MARK1: variants seen among roughly 807,000 people sequenced by gnomAD.
MARK1 encodes serine/threonine-protein kinase MARK1.
Under a neutral mutation model 96.3 loss-of-function variants are expected in MARK1, and 40 were observed. That is an observed-to-expected ratio of 0.42 (90% CI 0.32 to 0.54). The LOEUF is 0.54. MARK1 is among the 20% of genes least tolerant of loss of function. The pLI is 0.16. For missense variants in MARK1, 719 were observed against 984.6 expected, an observed-to-expected ratio of 0.73 and a Z score of 3.61; for synonymous variants, 317 against 341.2, an observed-to-expected ratio of 0.93 and a Z score of 0.78.
At position 220,573,410 on chromosome 1, in the gene MARK1, G is replaced by A. The variant is rs149751919; in HGVS notation, c.52-5944G>A. ...ATGATCTTGGCTCACTGCAAGCTCC[G>A]CATCCTGGGTTCACACTGTTCTCCT... On this transcript the variant is annotated intron_variant, in intron 1 of 17. Transcript: ENST00000366917. 2.1e-3 allele frequency among the ~76,000 whole-genome samples: 316 copies of A among 152,138 alleles called. 3 individuals carry two copies. The highest frequency in any genetic ancestry group is 0.019 in the East Asian group (97 of 5,174).
At chr1:220,627,609 G>A (rs150158934) in intron 9 of MARK1, 242 of 250,690 alleles carry the variant, frequency 9.7e-4, no homozygotes, top group African/African-American at 5.3e-3. Context: ...GCCCAGGGCA[G>A]CTATGCTGGG....
At chr1:220,533,831 C>T (rs979599783) in intron 1 of MARK1, among the ~76,000 whole-genome samples, 3 of 152,168 alleles carry the variant, frequency 2.0e-5, no homozygotes, top group African/African-American at 7.2e-5. Context: ...TTCTGGCACT[C>T]TGGTTAGATG....
intron 1 of MARK1, among the ~76,000 whole-genome samples, chr1:220,553,096 C>T (rs1243009247): frequency 6.6e-6 from 1 of 152,196 alleles, no homozygotes; most frequent in Admixed American, 6.5e-5. Flanking sequence ...ACATGGGAAA[C>T]AGTGATCTCC....
At chr1:220,589,494 A>G (rs935940469) in intron 3 of MARK1, among the ~76,000 whole-genome samples, 2 of 152,232 alleles carry the variant, frequency 1.3e-5, no homozygotes, top group Non-Finnish European at 2.9e-5. Flanking sequence ...AAAAGTAAAT[A>G]TCTCCAAAGA....
chr1:220,603,792 A>G (rs1317833421), intron 5 of MARK1, among the ~76,000 whole-genome samples: 1 of 152,100 alleles, frequency 6.6e-6, no homozygotes, highest in Non-Finnish European at 1.5e-5. Context: ...GTATTTTTAC[A>G]TAATACTTGA....
intron 13 of MARK1, among the ~76,000 whole-genome samples, chr1:220,641,589 A>G (rs1224551166): frequency 6.6e-6 from 1 of 152,140 alleles, no homozygotes; most frequent in African/African-American, 2.4e-5. Context: ...AGTATTAATC[A>G]ATTTTTTTAC....
chr1:220,661,171 G>A (rs1669459774), intron 17 of MARK1, among the ~76,000 whole-genome samples: 1 of 152,174 alleles, frequency 6.6e-6, no homozygotes, highest in Non-Finnish European at 1.5e-5. Context: ...TAGGAGTGAG[G>A]AAGGAGAAAA....
At chr1:220,569,006 A>G (rs1039522596) in intron 1 of MARK1, among the ~76,000 whole-genome samples, 3 of 152,138 alleles carry the variant, frequency 2.0e-5, no homozygotes, top group Admixed American at 6.6e-5. Flanking sequence ...ATTTGTGTCA[A>G]TTTTCACTGT....
At chr1:220,556,342 A>T (rs1355053483) in intron 1 of MARK1, among the ~76,000 whole-genome samples, 1 of 152,150 alleles carries the variant, frequency 6.6e-6, no homozygotes, top group East Asian at 1.9e-4. Flanking sequence ...AAATGAAAAC[A>T]TCAGCTCCAT....
chr1:220,642,260 C>T (rs569733469), intron 13 of MARK1, among the ~76,000 whole-genome samples: 18 of 152,194 alleles, frequency 1.2e-4, no homozygotes, highest in Middle Eastern at 6.3e-3. Context: ...TGGGGGCAAC[C>T]GCCATTACTG....
At chr1:220,555,971 T>C (rs1435029938) in intron 1 of MARK1, among the ~76,000 whole-genome samples, 1 of 152,224 alleles carries the variant, frequency 6.6e-6, no homozygotes, top group African/African-American at 2.4e-5. Context: ...TGAAAGTTTA[T>C]TAACTACATA....
intron 1 of MARK1, among the ~76,000 whole-genome samples, chr1:220,565,766 T>C (rs560864791): frequency 2.8e-4 from 43 of 152,298 alleles, no homozygotes; most frequent in African/African-American, 9.4e-4. Flanking sequence ...TGTTTTTCTC[T>C]CACTTATTGT....
At chr1:220,592,443 A>G (rs1665062444) in intron 3 of MARK1, among the ~76,000 whole-genome samples, 1 of 151,818 alleles carries the variant, frequency 6.6e-6, no homozygotes, top group African/African-American at 2.4e-5. Context: ...TAACAGCTAA[A>G]AAGAAATGAA....
chr1:220,530,086 C>T (rs1660209588), intron 1 of MARK1, among the ~76,000 whole-genome samples: 1 of 152,132 alleles, frequency 6.6e-6, no homozygotes, highest in Non-Finnish European at 1.5e-5. Flanking sequence ...GGGGTATAAA[C>T]AGATGATTTC....
chr1:220,598,400 A>ATG (rs1452124651), intron 4 of MARK1, 21 bp downstream of exon 4: 1 of 199,536 alleles, frequency 5.0e-6, no homozygotes, highest in Non-Finnish European at 1.0e-5. Flanking sequence ...TATATATATT[A>ATG]TATATATATA....
At chr1:220,548,433 G>A (rs1203264596) in intron 1 of MARK1, among the ~76,000 whole-genome samples, 1 of 152,184 alleles carries the variant, frequency 6.6e-6, no homozygotes. Flanking sequence ...TAAATCAAAT[G>A]TAATGATTTA....
intron 1 of MARK1, among the ~76,000 whole-genome samples, chr1:220,562,896 T>G (rs552401992): frequency 2.3e-4 from 35 of 152,310 alleles, no homozygotes; most frequent in Non-Finnish European, 3.7e-4. Context: ...TGTGGAATTT[T>G]TTTTTCTGAA....
At chr1:220,612,658 T>C (rs1479174778) in intron 6 of MARK1, among the ~76,000 whole-genome samples, 1 of 152,200 alleles carries the variant, frequency 6.6e-6, no homozygotes, top group Non-Finnish European at 1.5e-5. Context: ...AAATTTATAC[T>C]TAAATTTATT....
At chr1:220,649,444 G>T (rs1363777744) in intron 13 of MARK1, among the ~76,000 whole-genome samples, 1 of 152,194 alleles carries the variant, frequency 6.6e-6, no homozygotes, top group East Asian at 1.9e-4. Context: ...GCCTAGGCTG[G>T]TCTTGAACTC....
Sources: gnomAD v4.1 joint callset for allele counts (sites outside exome capture counted in the v4.1 genomes callset) on GRCh38, gnomAD v4.1.1 for gene constraint, MANE v1.5 for transcripts, NCBI Gene and HGNC (gene_info 2026-07-23, HGNC 2026-07-21) for gene names.